The following ECE1 variants were observed in gnomAD, a reference collection of about 807,000 sequenced individuals.
ECE1 encodes endothelin converting enzyme 1, also known as endothelin-converting enzyme 1.
ECE1 carries 35 observed loss-of-function variants against 98.6 expected under a neutral mutation model. That is an observed-to-expected ratio of 0.35 (90% CI 0.27 to 0.47). The LOEUF (loss-of-function observed/expected upper bound fraction) is 0.47. Ranked by LOEUF, ECE1 falls within the 20% of genes least tolerant of loss-of-function variation. The pLI, the probability that ECE1 is intolerant of heterozygous loss-of-function variation, is 1.00. For missense variants in ECE1, 814 were observed against 1,025.3 expected, an observed-to-expected ratio of 0.79 and a Z score of 2.81; for synonymous variants, 394 against 407.1, an observed-to-expected ratio of 0.97 and a Z score of 0.39.
chr1:21,221,788 C>T lies in ECE1; in HGVS notation c.2095G>A (p.Gly699Ser), dbSNP rs1433951327. The T allele has an allele frequency of 3.1e-6, 5 of 1,614,054 alleles. No homozygotes were observed. Among genetic ancestry groups the T allele is most frequent in the Non-Finnish European group, 4.2e-6 (5 of 1,180,042 alleles). Residue 699 changes from glycine to serine, a missense_variant, in exon 18 of 19, where the codon GGC becomes AGC. Transcript: ENST00000374893. ...AAGAAGAGCTGGTTATTGGTGAGGC[C>T]CAGGGTGGGGAGCGAGTGCTCAGCC... ...NGAEHSLPTL[G>S]LTNNQLFFLG...
chr1:21,333,276 CT>C (rs1639241487), intron 1 of ECE1, among the ~76,000 whole-genome samples: 1 of 151,680 alleles, frequency 6.6e-6, no homozygotes, highest in Non-Finnish European at 1.5e-5. Context: ...GTGCCTCCGC[CT>C]CCCCCACCCC....
intron 1 of ECE1, among the ~76,000 whole-genome samples, chr1:21,302,955 G>A (rs1385537945): frequency 1.3e-5 from 2 of 152,068 alleles, no homozygotes; most frequent in Non-Finnish European, 2.9e-5. Context: ...CTCATCTCCA[G>A]CTCTCCCCTG....
At position 21,219,763 on chromosome 1, in the gene ECE1, T is replaced by C. The variant is rs1240239392; in HGVS notation, c.*192A>G. Reference sequence around the variant, plus strand: ...CACACGTGTGCCTGGGATGTCCGGCTCTTCACAGGGGATCAGACTGCGGGT... The same window carrying C: ...CACACGTGTGCCTGGGATGTCCGGCCCTTCACAGGGGATCAGACTGCGGGT... On this transcript the variant is annotated 3_prime_UTR_variant, in exon 19 of 19. Transcript: ENST00000374893. The surrounding 1 kb of genome is among the most constrained non-coding windows in gnomAD (Gnocchi z 4.5). 1 of 691,552 alleles carries C rather than the reference T, an allele frequency of 1.4e-6. No individual in the cohort carries two copies. The allele number at this position is 691,552 out of a possible 1,614,324, so 42.8% of individuals were successfully genotyped here. A position where few individuals can be genotyped will look rare whatever the true frequency, so the allele number is the denominator to read the frequency against.
rs1408213099 is a variant in ECE1 at position 21,307,744 on chromosome 1, T to G, written c.4-17588A>C. On this transcript the variant is annotated intron_variant, in intron 1 of 18. Transcript: ENST00000415912. This position sits in a 1 kb window ranked among gnomAD's most constrained non-coding sequence, Gnocchi z 4.2. ...GGCTGTACCCACGCAGGGCCACTGCTCCTAGGGCACTGGGCTCCAGACAGA... is the reference window on the plus strand; with the variant it reads ...GGCTGTACCCACGCAGGGCCACTGCGCCTAGGGCACTGGGCTCCAGACAGA... Among the ~76,000 whole-genome samples, 1 of 152,038 alleles carries G rather than the reference T, an allele frequency of 6.6e-6. No homozygotes were observed. The highest frequency in any genetic ancestry group is 1.5e-5 in the Non-Finnish European group (1 of 67,988).
Position 21,233,675 on chromosome 1 carries a change from A to C in ECE1, c.1567-14T>G. ...AACTGCAGTGTACTAGAAAAGAAGA[A>C]GTGGAGTCAATCACAGTGTGCCCTC... On this transcript the variant is annotated splice_polypyrimidine_tract_variant and intron_variant, in intron 13 of 18. Coordinates refer to ENST00000374893, the MANE Select transcript of ECE1 (RefSeq NM_001397.3). This position sits in a 1 kb window ranked among gnomAD's most constrained non-coding sequence, Gnocchi z 4.0. The C allele has an allele frequency of 6.2e-7, 1 of 1,612,142 alleles. No individual in the cohort carries two copies. Among genetic ancestry groups the C allele is most frequent in the African/African-American group, 1.3e-5 (1 of 75,010 alleles).
chr1:21,280,118 C>G (rs1024417803), intron 2 of ECE1: 1 of 152,272 alleles, frequency 6.6e-6, no homozygotes, highest in Non-Finnish European at 1.5e-5. Flanking sequence ...CAGGGCCCTC[C>G]CTGCCCGAGG....
intron 11 of ECE1, 118 bp downstream of exon 11, chr1:21,238,016 A>G (rs2098190519): frequency 3.4e-6 from 3 of 879,920 alleles, no homozygotes; most frequent in South Asian, 1.4e-5. Context: ...CTGTGGCCCT[A>G]AGGTCCCCTG....
rs114855213 is a variant in ECE1, at chr1:21,332,837, A to T, written c.3+12539T>A. Reference sequence around the variant, plus strand: ...AGAGGGAAGGGGGCTGCGGGAACACAGGATGGGGGTGGGGTGGGCGGATGG... The same window carrying T: ...AGAGGGAAGGGGGCTGCGGGAACACTGGATGGGGGTGGGGTGGGCGGATGG... On this transcript the variant is annotated intron_variant, in intron 1 of 18. Coordinates refer to the ECE1 transcript ENST00000415912. Among the ~76,000 whole-genome samples the T allele has an allele frequency of 5.0e-3, 315 of 63,544 alleles. 1 individual carries two copies. Among genetic ancestry groups the T allele is most frequent in the African/African-American group, 0.018 (274 of 15,526 alleles). The allele number at this position is 63,544 out of a possible 152,430, so 41.7% of individuals were successfully genotyped here.
rs2098205018 is a variant in ECE1, at chr1:21,247,256, C to T, written c.1128G>A (p.Glu376=). ...PIVVYDKEYL[E]QISTLINTTD... ...TGGTGTTGATGAGAGTGGAGATCTGCTCAAGGTATTCCTTGTCATAGACCA... is the reference window on the plus strand; with the variant it reads ...TGGTGTTGATGAGAGTGGAGATCTGTTCAAGGTATTCCTTGTCATAGACCA... The change falls in exon 9 of 19, where the codon GAG becomes GAA. Residue 376 remains glutamate, a synonymous_variant. Coordinates refer to ENST00000374893, the MANE Select transcript of ECE1 (RefSeq NM_001397.3). 22 of 1,613,880 alleles carry T rather than the reference C, an allele frequency of 1.4e-5. No homozygotes were observed. The highest frequency in any genetic ancestry group is 1.9e-5 in the Non-Finnish European group (22 of 1,179,958).
At chr1:21,254,132 C>T (rs1412830964) in intron 8 of ECE1, among the ~76,000 whole-genome samples, 1 of 150,526 alleles carries the variant, frequency 6.6e-6, no homozygotes, top group Admixed American at 6.6e-5. Flanking sequence ...GGCTATGTCT[C>T]ATTTGTGTTC....
intron 4 of ECE1, among the ~76,000 whole-genome samples, chr1:21,261,066 C>G (rs889760622): frequency 7.2e-5 from 11 of 152,192 alleles, no homozygotes; most frequent in African/African-American, 2.2e-4. Flanking sequence ...AAAGGCAATG[C>G]TCCGGTGGGT....
In ECE1 at chr1:21,258,880, G is replaced by A. The variant is rs367725291; in HGVS notation, c.616-41C>T. ...GCAGGCAGGGAGGTGATGAGGTGGCGGGGAGACCCAGATGTGAATTCTGGT... is the reference window on the plus strand; with the variant it reads ...GCAGGCAGGGAGGTGATGAGGTGGCAGGGAGACCCAGATGTGAATTCTGGT... On this transcript the variant is annotated intron_variant, in intron 5 of 18. Coordinates refer to ENST00000374893, the MANE Select transcript of ECE1 (RefSeq NM_001397.3). This position sits in a 1 kb window ranked among gnomAD's most constrained non-coding sequence, Gnocchi z 4.2. The A allele has an allele frequency of 3.0e-4, 483 of 1,612,110 alleles. 3 individuals are homozygous for A. The South Asian group carries it at 3.8e-3, about 13-fold the overall frequency.
At chr1:21,226,455 G>C (rs937853805) in intron 16 of ECE1, among the ~76,000 whole-genome samples, 1 of 152,142 alleles carries the variant, frequency 6.6e-6, no homozygotes. Flanking sequence ...GCAAGGATTT[G>C]AACCCAGATC....
intron 1 of ECE1, among the ~76,000 whole-genome samples, chr1:21,312,522 A>G (rs1638751305): frequency 6.6e-6 from 1 of 151,728 alleles, no homozygotes; most frequent in African/African-American, 2.4e-5. Context: ...AGGCTGAGGC[A>G]GGAGGATCGC....
At chr1:21,312,685 T>C (rs546782150) in intron 1 of ECE1, among the ~76,000 whole-genome samples, 1 of 152,148 alleles carries the variant, frequency 6.6e-6, no homozygotes, top group East Asian at 1.9e-4. Flanking sequence ...TGTGCTGTCC[T>C]GTCACTGAGA....
chr1:21,222,335 C>T (rs761537062), intron 17 of ECE1, among the ~76,000 whole-genome samples: 1 of 152,162 alleles, frequency 6.6e-6, no homozygotes, highest in African/African-American at 2.4e-5. Context: ...TCTACCCTGT[C>T]TCTTGCCTGG....
intron 18 of ECE1, 105 bp downstream of exon 18, chr1:21,221,642 G>C: frequency 8.5e-7 from 1 of 1,172,950 alleles, no homozygotes; most frequent in East Asian, 2.3e-5. Context: ...CAGTGACTTG[G>C]GAAGTTCTCA....
intron 1 of ECE1, among the ~76,000 whole-genome samples, chr1:21,312,138 AAAAT>A (rs1342057462): frequency 3.6e-4 from 54 of 151,034 alleles, no homozygotes; most frequent in African/African-American, 1.3e-3. Flanking sequence ...AAAAAAAAAA[AAAAT>A]TTTTTTTTTA....
chr1:21,262,143 C>T (rs564094558), intron 4 of ECE1, among the ~76,000 whole-genome samples: 147 of 152,292 alleles, frequency 9.7e-4, no homozygotes, highest in African/African-American at 3.4e-3. Flanking sequence ...GGGACGGGAC[C>T]AGCTTGGGGC....
Sources: allele counts gnomAD v4.1 joint callset (sites outside exome capture counted in the v4.1 genomes callset), GRCh38; gene constraint gnomAD v4.1.1; non-coding constraint Gnocchi (gnomAD v3.1); transcripts MANE v1.5; gene names NCBI Gene and HGNC (gene_info 2026-07-23, HGNC 2026-07-21).